The following RGS22 variants were observed in gnomAD, a reference collection of about 807,000 sequenced individuals.
RGS22 encodes the protein regulator of G-protein signaling 22.
In RGS22, 148 loss-of-function variants were observed where a neutral mutation model predicts 172.9. The observed-to-expected ratio is 0.86, with a 90% confidence interval of 0.75 to 0.98. The LOEUF is 0.98. RGS22 is among the 50% of genes least tolerant of loss of function. The probability of loss-of-function intolerance (pLI) is 0.00; values close to 1 mark genes in which losing one functional copy is unlikely to be tolerated. For synonymous variants in RGS22, 458 were observed against 480.2 expected, an observed-to-expected ratio of 0.95 and a Z score of 0.60; for missense variants, 1,347 against 1,440.8, an observed-to-expected ratio of 0.93 and a Z score of 1.05.
chr8:100,041,932 G>A lies in RGS22; in HGVS notation c.1824-16C>T, dbSNP rs774212949. ...GTACTTTGACCTAAATTATAAGGAT[G>A]AGAACTAAAATTATAAGAATGAGAA... is the stretch of plus-strand genomic sequence containing the variant. On this transcript the variant is annotated splice_polypyrimidine_tract_variant and intron_variant, in intron 11 of 27. Coordinates refer to ENST00000360863, the MANE Select transcript of RGS22 (RefSeq NM_015668.5). The A allele has an allele frequency of 5.3e-6, 8 of 1,511,016 alleles. No individual in the cohort carries two copies. Among genetic ancestry groups the A allele is most frequent in the South Asian group, 4.5e-5 (4 of 88,266 alleles). 93.6% of individuals were successfully genotyped at this position (1,511,016 alleles called of 1,614,324 possible).
chr8:100,063,637 T>A lies in RGS22; in HGVS notation c.1131A>T (p.Ser377=). Residue 377 remains serine (S), a synonymous_variant, in exon 8 of 28, where the codon TCA becomes TCT. Transcript: ENST00000360863. ...TTAAACTTGTTTGTTCTATCTCTTC[T>A]GACCTCTCCTTTGTAGTTTGAACTA... ...SELVQTTKER[S]EEIEQTSLSS... is the part of the protein sequence containing the mutation. 6.2e-7 allele frequency: 1 copy of A among 1,614,134 alleles called. No individual in the cohort carries two copies. The highest frequency in any genetic ancestry group is 1.1e-5 in the South Asian group (1 of 91,084).
chr8:100,060,845 A>G (rs887855120), intron 9 of RGS22, among the ~76,000 whole-genome samples: 2 of 152,170 alleles, frequency 1.3e-5, no homozygotes, highest in Non-Finnish European at 2.9e-5. Context: ...AACCAAAAAG[A>G]GCCTAAACAG....
At chr8:100,078,749 C>T (rs1283699738) in intron 4 of RGS22, among the ~76,000 whole-genome samples, 1 of 152,172 alleles carries the variant, frequency 6.6e-6, no homozygotes, top group Non-Finnish European at 1.5e-5. Flanking sequence ...ACCTCAGCCT[C>T]CTGGGTAGCT....
Position 100,068,713 on chromosome 8 carries a change from C to G in RGS22, c.595-2417G>C, listed in dbSNP as rs1161219478. Among the ~76,000 whole-genome samples, 3 of 152,024 alleles carry G rather than the reference C, an allele frequency of 2.0e-5. No homozygotes were observed. The South Asian group carries it at 6.2e-4, about 32-fold the overall frequency. Reference sequence around the variant, plus strand: ...TTGGTAGGCTGAGGTGAGTGAATTGCTGGAGCTCAGCAGTTCAAGACCAGC... The same window carrying G: ...TTGGTAGGCTGAGGTGAGTGAATTGGTGGAGCTCAGCAGTTCAAGACCAGC... On this transcript the variant is annotated intron_variant, in intron 6 of 27. Coordinates refer to ENST00000360863, the MANE Select transcript of RGS22 (RefSeq NM_015668.5).
chr8:100,054,266 T>C (rs1016693661), intron 9 of RGS22: 2 of 152,472 alleles, frequency 1.3e-5, no homozygotes, highest in Non-Finnish European at 2.9e-5. Flanking sequence ...TTATTCCATA[T>C]TTCAAGGCCT....
chr8:100,056,172 G>A (rs1054457517), intron 9 of RGS22, among the ~76,000 whole-genome samples: 1 of 152,180 alleles, frequency 6.6e-6, no homozygotes, highest in Admixed American at 6.5e-5. Flanking sequence ...TTAGCAAAGA[G>A]ACTGGTGGCA....
intron 3 of RGS22, among the ~76,000 whole-genome samples, chr8:100,085,922 G>C (rs1330351075): frequency 6.6e-6 from 1 of 152,148 alleles, no homozygotes; most frequent in South Asian, 2.1e-4. Context: ...TTGAACTCCA[G>C]TTTAACACAG....
intron 6 of RGS22, among the ~76,000 whole-genome samples, chr8:100,069,148 T>G (rs1300401621): frequency 1.3e-5 from 2 of 152,186 alleles, no homozygotes; most frequent in Non-Finnish European, 2.9e-5. Flanking sequence ...AACCTTAGCC[T>G]ATCTATTCCA....
Position 99,962,364 on chromosome 8 carries a change from G to A in RGS22, c.*45+30C>T. ...TGAGTGTATTACGAGGACATGTGTG[G>A]GACCAACCAACATTCAGACTATGAC... On this transcript the variant is annotated intron_variant, in intron 27 of 27. Transcript: ENST00000360863. 8 of 1,470,594 alleles carry A rather than the reference G, an allele frequency of 5.4e-6. No individual in the cohort carries two copies. The South Asian group carries it at 9.1e-5, about 17-fold the overall frequency. 91.1% of individuals were successfully genotyped at this position (1,470,594 alleles called of 1,614,324 possible). A position where few individuals can be genotyped will look rare whatever the true frequency, so the allele number is the denominator to read the frequency against.
At chr8:100,102,898 T>C (rs1397908210) in intron 2 of RGS22, among the ~76,000 whole-genome samples, 1 of 152,270 alleles carries the variant, frequency 6.6e-6, no homozygotes, top group South Asian at 2.1e-4. Flanking sequence ...ATTTGACATT[T>C]TGGCTTTACC....
At chr8:100,078,446 T>G (rs1008283726) in intron 4 of RGS22, among the ~76,000 whole-genome samples, 3 of 150,634 alleles carry the variant, frequency 2.0e-5, no homozygotes, top group Non-Finnish European at 4.4e-5. Flanking sequence ...ATATATTATA[T>G]GATTAATGTG....
chr8:99,975,038 C>A (rs936104208), intron 23 of RGS22, among the ~76,000 whole-genome samples: 1 of 151,568 alleles, frequency 6.6e-6, no homozygotes, highest in Non-Finnish European at 1.5e-5. Context: ...CCCAGCTACT[C>A]AGGAGATTGA....
At chr8:100,087,166 G>C (rs1220248797) in intron 3 of RGS22, among the ~76,000 whole-genome samples, 1 of 152,132 alleles carries the variant, frequency 6.6e-6, no homozygotes, top group Non-Finnish European at 1.5e-5. Context: ...TAGGGTATGG[G>C]AGACAGAAAT....
At chr8:100,101,087 A>G (rs1179487353) in intron 2 of RGS22, among the ~76,000 whole-genome samples, 2 of 152,210 alleles carry the variant, frequency 1.3e-5, no homozygotes, top group East Asian at 1.9e-4. Context: ...ACTTACTTGC[A>G]TAGTTGCAAA....
intron 5 of RGS22, 105 bp downstream of exon 5, chr8:100,072,040 T>C: frequency 3.0e-6 from 2 of 675,136 alleles, no homozygotes; most frequent in South Asian, 3.7e-5. Flanking sequence ...CTACAAAGAA[T>C]TTAAAAGATT....
intron 9 of RGS22, among the ~76,000 whole-genome samples, chr8:100,053,320 G>A (rs533686708): frequency 6.6e-6 from 1 of 151,990 alleles, no homozygotes; most frequent in African/African-American, 2.4e-5. Context: ...TACTCAGGGG[G>A]GTGAGGCAGG....
chr8:100,095,890 T>C (rs1230834584), intron 2 of RGS22, among the ~76,000 whole-genome samples: 1 of 152,248 alleles, frequency 6.6e-6, no homozygotes, highest in Admixed American at 6.5e-5. Flanking sequence ...AGCAATTCCG[T>C]TGATATTGGG....
intron 18 of RGS22, among the ~76,000 whole-genome samples, chr8:100,000,678 C>A (rs932673383): frequency 6.6e-6 from 1 of 152,144 alleles, no homozygotes; most frequent in Non-Finnish European, 1.5e-5. Flanking sequence ...TGAAACCTCA[C>A]GCAATGTAGC....
intron 3 of RGS22, among the ~76,000 whole-genome samples, chr8:100,091,307 AAAAG>A (rs999790094): frequency 2.6e-5 from 4 of 152,174 alleles, no homozygotes; most frequent in African/African-American, 9.6e-5. Flanking sequence ...AAAAAAAAAA[AAAAG>A]AGGAGGTAAA....
Sources: allele counts gnomAD v4.1 joint callset (sites outside exome capture counted in the v4.1 genomes callset), GRCh38; gene constraint gnomAD v4.1.1; transcripts MANE v1.5; gene names NCBI Gene and HGNC (gene_info 2026-07-23, HGNC 2026-07-21).